ARMH4: variants seen among roughly 807,000 people sequenced by gnomAD.
The protein encoded by ARMH4 is armadillo like helical domain containing 4.
Under a neutral mutation model 61.9 loss-of-function variants are expected in ARMH4, and 49 were observed. The observed-to-expected ratio is 0.79, with a 90% CI of 0.63 to 1.00. ARMH4 has a LOEUF of 1.00. ARMH4 is among the 50% of genes least tolerant of loss of function. ARMH4 has a pLI of 0.00. For missense variants in ARMH4, 934 were observed against 930.0 expected (o/e 1.00, Z -0.06); for synonymous variants, 368 against 341.5 (o/e 1.08, Z -0.85).
chr14:58,125,146 T>G (rs550255417), intron 4 of ARMH4, among the ~76,000 whole-genome samples: 153 of 151,848 alleles, frequency 1.0e-3, no homozygotes, highest in African/African-American at 3.3e-3. Context: ...AAGTGGACAT[T>G]GAAGCCAAAA....
At chr14:58,076,692 T>C (rs886950215) in intron 5 of ARMH4, among the ~76,000 whole-genome samples, 1 of 151,938 alleles carries the variant, frequency 6.6e-6, no homozygotes, top group African/African-American at 2.4e-5. Context: ...CTTTGGAAAA[T>C]GGAAGAGGGA....
At chr14:58,053,888 T>C (rs1884231270) in intron 5 of ARMH4, among the ~76,000 whole-genome samples, 1 of 152,218 alleles carries the variant, frequency 6.6e-6, no homozygotes, top group African/African-American at 2.4e-5. Context: ...TTACGTCATG[T>C]TTTTCACTTT....
At chr14:58,013,961 T>C (rs1001701650) in intron 5 of ARMH4, among the ~76,000 whole-genome samples, 3 of 151,832 alleles carry the variant, frequency 2.0e-5, no homozygotes, top group Non-Finnish European at 4.4e-5. Flanking sequence ...AAGGCAGAGG[T>C]TGCAGTGAGC....
chr14:58,073,467 T>TC lies in ARMH4; in HGVS notation c.2089+23256dup, dbSNP rs574671147. Reference sequence around the variant, plus strand: ...GGTTGTTCTATTACTGAACACCTATTCTGGTGTGGGCACATTCATGTTCAC... The same window carrying TC: ...GGTTGTTCTATTACTGAACACCTATTCCTGGTGTGGGCACATTCATGTTCAC... On this transcript the variant is annotated intron_variant, in intron 5 of 7. Transcript: ENST00000267485. Among the ~76,000 whole-genome samples, 819 of 152,302 alleles carry TC rather than the reference T, an allele frequency of 5.4e-3. 12 individuals are homozygous for TC. The highest frequency in any genetic ancestry group is 0.019 in the African/African-American group (777 of 41,578).
chr14:58,138,842 C>A lies in ARMH4; in HGVS notation c.517G>T (p.Val173Leu). 6.2e-7 allele frequency: 1 copy of A among 1,614,222 alleles called. No homozygotes were observed. The highest frequency in any genetic ancestry group is 8.5e-7 in the Non-Finnish European group (1 of 1,180,038). Reference protein sequence around the residue: ...LLTSTNFQPIVEEITETTKGF... With the variant: ...LLTSTNFQPILEEITETTKGF... Reference sequence around the variant, plus strand: ...TTTGTGGTTTCTGTGATCTCTTCTACAATGGGCTGAAAGTTAGTGCTTGTA... The same window carrying A: ...TTTGTGGTTTCTGTGATCTCTTCTAAAATGGGCTGAAAGTTAGTGCTTGTA... The change falls in exon 2 of 8, where the codon GTA becomes TTA. Residue 173 changes from valine to leucine, a missense_variant. Transcript: ENST00000267485.
At chr14:58,147,963 C>G (rs1318574882) in intron 1 of ARMH4, among the ~76,000 whole-genome samples, 1 of 152,190 alleles carries the variant, frequency 6.6e-6, no homozygotes, top group Admixed American at 6.5e-5. Context: ...CAACCCCATA[C>G]CACTGGTGCC....
intron 4 of ARMH4, among the ~76,000 whole-genome samples, chr14:58,112,441 T>G (rs1886385674): frequency 6.6e-6 from 1 of 152,172 alleles, no homozygotes; most frequent in South Asian, 2.1e-4. Context: ...ATCACTATCT[T>G]ATCACTCAAT....
At chr14:58,111,743 GTCACACAA>G (rs1049054654) in intron 4 of ARMH4, among the ~76,000 whole-genome samples, 2 of 151,636 alleles carry the variant, frequency 1.3e-5, no homozygotes, top group South Asian at 4.2e-4. Context: ...CTGAAGTGCA[GTCACACAA>G]TCACACAATC....
chr14:58,131,687 C>T lies in ARMH4; in HGVS notation c.1656G>A (p.Glu552=), dbSNP rs772324448. 6.2e-7 allele frequency: 1 copy of T among 1,607,284 alleles called. No homozygotes were observed. The highest frequency in any genetic ancestry group is 1.4e-5 in the African/African-American group (1 of 69,602). ...CTGGAGATCCCAGAACTGGTGTGAA[C>T]TCCTCATTTGGCCCTGTGACTGTGT... ...QMDTVTGPNE[E]FTPVLGSPVT... is the part of the protein sequence containing the mutation. Residue 552 remains glutamate (E), a synonymous_variant, in exon 4 of 8, where the codon GAG becomes GAA. Coordinates refer to ENST00000267485, the MANE Select transcript of ARMH4 (RefSeq NM_001001872.4).
intron 4 of ARMH4, among the ~76,000 whole-genome samples, chr14:58,110,518 C>T (rs939718503): frequency 1.3e-5 from 2 of 152,116 alleles, no homozygotes; most frequent in African/African-American, 4.8e-5. Flanking sequence ...CCCCACAAGT[C>T]TGATATATTT....
intron 4 of ARMH4, among the ~76,000 whole-genome samples, chr14:58,124,448 G>A (rs1000043790): frequency 4.6e-5 from 7 of 152,146 alleles, no homozygotes; most frequent in African/African-American, 1.7e-4. Flanking sequence ...CTTAGTATCT[G>A]AAGCAGTTAA....
intron 5 of ARMH4, among the ~76,000 whole-genome samples, chr14:58,066,649 G>A (rs931898607): frequency 2.6e-5 from 4 of 152,154 alleles, no homozygotes. Context: ...AGGCTTTGAA[G>A]AGTTCGGAGA....
At chr14:58,066,980 C>G (rs1234999583) in intron 5 of ARMH4, among the ~76,000 whole-genome samples, 1 of 151,926 alleles carries the variant, frequency 6.6e-6, no homozygotes, top group Non-Finnish European at 1.5e-5. Context: ...TGACCTGATA[C>G]AAAATGGAAA....
chr14:58,003,685 G>A lies in ARMH4; in HGVS notation c.*1051C>T, dbSNP rs2747104. On this transcript the variant is annotated 3_prime_UTR_variant, in exon 8 of 8. Coordinates refer to ENST00000267485, the MANE Select transcript of ARMH4 (RefSeq NM_001001872.4). ...TAGCGGGGTGCCCTGAGAGAGGCTG[G>A]TTTCCCATGAGCTCTGTTGTTCACC... The A allele has an allele frequency of 0.22, 33,291 of 152,148 alleles. 4,360 individuals carry two copies. Among genetic ancestry groups the A allele is most frequent in the East Asian group, 0.56 (2,904 of 5,166 alleles). 9.4% of individuals were successfully genotyped at this position (152,148 alleles called of 1,614,324 possible). A position where few individuals can be genotyped will look rare whatever the true frequency, so the allele number is the denominator to read the frequency against.
At chr14:58,087,371 A>T (rs570967735) in intron 5 of ARMH4, among the ~76,000 whole-genome samples, 2 of 152,240 alleles carry the variant, frequency 1.3e-5, no homozygotes, top group South Asian at 4.2e-4. Context: ...ACATAGGAAC[A>T]TCCTCAGGGA....
intron 4 of ARMH4, among the ~76,000 whole-genome samples, chr14:58,115,340 C>T (rs1886482447): frequency 6.6e-6 from 1 of 152,144 alleles, no homozygotes; most frequent in Non-Finnish European, 1.5e-5. Flanking sequence ...CATCACTAAT[C>T]ATTAGAGAAA....
Position 58,133,427 on chromosome 14 carries a change from G to T in ARMH4, c.1370-86C>A, listed in dbSNP as rs147058738. On this transcript the variant is annotated intron_variant, in intron 2 of 7. Coordinates refer to ENST00000267485, the MANE Select transcript of ARMH4 (RefSeq NM_001001872.4). ...TCATGATATGATTAAAAACTTGGGGGGAGGGGAGCAGATGCTATTTCAGGA... is the reference window on the plus strand; with the variant it reads ...TCATGATATGATTAAAAACTTGGGGTGAGGGGAGCAGATGCTATTTCAGGA... 7.3e-4 allele frequency: 972 copies of T among 1,322,812 alleles called. 9 individuals carry two copies. The East Asian group carries it at 0.013, about 17-fold the overall frequency. The allele number at this position is 1,322,812 out of a possible 1,614,324, so 81.9% of individuals were successfully genotyped here.
chr14:58,030,619 C>CG (rs1167365815), intron 5 of ARMH4, among the ~76,000 whole-genome samples: 13 of 152,294 alleles, frequency 8.5e-5, no homozygotes, highest in African/African-American at 2.6e-4. Context: ...TTTTAAAACT[C>CG]TCCATTCTCC....
intron 1 of ARMH4, among the ~76,000 whole-genome samples, chr14:58,142,634 G>C (rs1461857597): frequency 6.6e-6 from 1 of 151,888 alleles, no homozygotes; most frequent in African/African-American, 2.4e-5. Context: ...ACCATGCCTG[G>C]CTAATTTTTG....
Sources: gnomAD v4.1 joint callset for allele counts (sites outside exome capture counted in the v4.1 genomes callset) on GRCh38, gnomAD v4.1.1 for gene constraint, MANE v1.5 for transcripts, NCBI Gene and HGNC (gene_info 2026-07-23, HGNC 2026-07-21) for gene names.